Variants in PPFIA2 observed in about 807,000 individuals in gnomAD.
PPFIA2 encodes liprin-alpha-2.
A neutral mutation model predicts 175.5 loss-of-function variants in PPFIA2; 46 were observed. That is an observed-to-expected ratio of 0.26 (90% CI 0.21 to 0.34). The LOEUF is 0.34. PPFIA2 is among the 10% of genes least tolerant of loss of function. The pLI is 1.00. For synonymous variants in PPFIA2, 568 were observed against 511.4 expected, an observed-to-expected ratio of 1.11 and a Z score of -1.49; for missense variants, 1,179 against 1,506.1, an observed-to-expected ratio of 0.78 and a Z score of 3.60.
chr12:81,598,376 A>G, intron 4 of PPFIA2: 1 of 1,089,390 alleles, frequency 9.2e-7, no homozygotes, highest in South Asian at 2.9e-5. Context: ...GTTCTCAGTG[A>G]TAATCACCTC....
chr12:81,669,260 T>C (rs2070958242), intron 4 of PPFIA2, among the ~76,000 whole-genome samples: 1 of 152,012 alleles, frequency 6.6e-6, no homozygotes, highest in Admixed American at 6.6e-5. Context: ...TAGTCTGAAG[T>C]TCACCTTTGT....
At chr12:81,281,894 C>G (rs994009429) in intron 26 of PPFIA2, among the ~76,000 whole-genome samples, 11 of 151,954 alleles carry the variant, frequency 7.2e-5, no homozygotes, top group Non-Finnish European at 1.5e-5. Context: ...AAATGGGAAC[C>G]TCAGTAAACA....
intron 4 of PPFIA2, among the ~76,000 whole-genome samples, chr12:81,608,769 A>T (rs2037224461): frequency 6.6e-6 from 1 of 151,802 alleles, no homozygotes; most frequent in Admixed American, 6.6e-5. Context: ...TTTTTAAAAT[A>T]TATTTTTGCA....
intron 4 of PPFIA2, among the ~76,000 whole-genome samples, chr12:81,542,492 T>C (rs548237765): frequency 5.9e-5 from 9 of 152,256 alleles, no homozygotes; most frequent in Admixed American, 1.3e-4. Context: ...AATATGTGCA[T>C]ATACAAGGGT....
chr12:81,260,679 G>C (rs141511552), intron 32 of PPFIA2: 1 of 152,068 alleles, frequency 6.6e-6, no homozygotes, highest in African/African-American at 2.4e-5. Context: ...CAGCATATCT[G>C]CTCCCATCCT....
At position 81,353,203 on chromosome 12, in the gene PPFIA2, A is replaced by T. The variant is rs769078302; in HGVS notation, c.1910T>A (p.Leu637His). Reference protein sequence around the residue: ...DRETIFSSMDLLSPSGHSDAQ... With the variant: ...DRETIFSSMDHLSPSGHSDAQ... The stretch of plus-strand genomic sequence containing the variant: ...ATCGGAATGACCACTTGGAGAGAGA[A>T]GATCCATTGAGCTAAAAATTGTTTC... The change falls in exon 17 of 33, where the codon CTT (leucine) becomes CAT (histidine). Residue 637 changes from leucine (L) to histidine (H), a missense_variant. Leu to His is a moderately conservative substitution (Grantham distance 99). This residue lies in a region of PPFIA2 where 186 missense variants were observed against 163.6 expected (regional missense o/e 1.14). Coordinates refer to ENST00000549396, the MANE Select transcript of PPFIA2 (RefSeq NM_003625.5). 1.2e-6 allele frequency: 2 copies of T among 1,613,844 alleles called. No homozygotes were observed. The highest frequency in any genetic ancestry group is 1.7e-6 in the Non-Finnish European group (2 of 1,179,818).
At chr12:81,718,356 A>G (rs774768335) in intron 3 of PPFIA2, among the ~76,000 whole-genome samples, 14 of 151,578 alleles carry the variant, frequency 9.2e-5, no homozygotes, top group Non-Finnish European at 1.6e-4. Flanking sequence ...TCAAGACAGA[A>G]CTAGCCTTAG....
chr12:81,433,770 A>G (rs981704304), intron 7 of PPFIA2, among the ~76,000 whole-genome samples: 2 of 152,196 alleles, frequency 1.3e-5, no homozygotes, highest in East Asian at 3.8e-4. Context: ...TATCACTGTT[A>G]CTGAGTGAAA....
At chr12:81,605,620 A>AGCCT (rs1380917443) in intron 4 of PPFIA2, among the ~76,000 whole-genome samples, 6 of 150,912 alleles carry the variant, frequency 4.0e-5, no homozygotes, top group African/African-American at 1.2e-4. Flanking sequence ...TAATATCACT[A>AGCCT]GCCTGTCTGT....
intron 7 of PPFIA2, among the ~76,000 whole-genome samples, chr12:81,419,706 G>C (rs2045920723): frequency 6.6e-6 from 1 of 151,872 alleles, no homozygotes; most frequent in Admixed American, 6.6e-5. Flanking sequence ...ATTTATGTTG[G>C]ATATTCAAGT....
chr12:81,499,111 CT>C (rs1408042429), intron 4 of PPFIA2, among the ~76,000 whole-genome samples: 1 of 152,204 alleles, frequency 6.6e-6, no homozygotes, highest in Non-Finnish European at 1.5e-5. Context: ...CCACATTAAT[CT>C]TTGCAGGCTT....
At chr12:81,670,741 T>C (rs1459661821) in intron 4 of PPFIA2, among the ~76,000 whole-genome samples, 1 of 151,974 alleles carries the variant, frequency 6.6e-6, no homozygotes, top group Non-Finnish European at 1.5e-5. Flanking sequence ...AATTTCTTCT[T>C]GTTAAATACA....
At chr12:81,407,410 G>A (rs1225220464) in intron 7 of PPFIA2, among the ~76,000 whole-genome samples, 1 of 151,834 alleles carries the variant, frequency 6.6e-6, no homozygotes, top group African/African-American at 2.4e-5. Flanking sequence ...TTGAACCTGG[G>A]AGGCGGAGAT....
chr12:81,649,841 A>T (rs1039207401), intron 4 of PPFIA2, among the ~76,000 whole-genome samples: 6 of 152,178 alleles, frequency 3.9e-5, no homozygotes, highest in African/African-American at 1.4e-4. Flanking sequence ...CAAAACTATC[A>T]TGACAAAAAG....
At chr12:81,404,667 A>G (rs948503701) in intron 8 of PPFIA2, among the ~76,000 whole-genome samples, 7 of 152,202 alleles carry the variant, frequency 4.6e-5, no homozygotes, top group African/African-American at 1.7e-4. Context: ...TCTTATGTGA[A>G]GATCTGTTCA....
chr12:81,506,177 AT>A, intron 4 of PPFIA2: 2 of 152,294 alleles, frequency 1.3e-5, no homozygotes, highest in East Asian at 3.9e-4. Context: ...CTTATACAAT[AT>A]TTTTTGTACT....
At chr12:81,597,559 G>A (rs979051753) in intron 4 of PPFIA2, among the ~76,000 whole-genome samples, 1 of 152,044 alleles carries the variant, frequency 6.6e-6, no homozygotes, top group African/African-American at 2.4e-5. Flanking sequence ...AGAGGACTTA[G>A]TTTGCAAAGT....
chr12:81,482,651 A>C (rs2146743663), intron 4 of PPFIA2, among the ~76,000 whole-genome samples: 1 of 152,212 alleles, frequency 6.6e-6, no homozygotes, highest in African/African-American at 2.4e-5. Flanking sequence ...AAAACCAAAC[A>C]CTGCATGTTC....
intron 22 of PPFIA2, among the ~76,000 whole-genome samples, chr12:81,310,537 G>A (rs936322174): frequency 6.6e-6 from 1 of 151,760 alleles, no homozygotes; most frequent in African/African-American, 2.4e-5. Flanking sequence ...AAGGACTCAG[G>A]GGAATTAAGT....
Sources: gnomAD v4.1 joint callset for allele counts (sites outside exome capture counted in the v4.1 genomes callset) on GRCh38, gnomAD v4.1.1 for gene constraint, gnomAD v4.1.1 regional missense constraint, MANE v1.5 for transcripts, NCBI Gene and HGNC (gene_info 2026-07-23, HGNC 2026-07-21) for gene names.